GALNT13: variants seen among roughly 807,000 people sequenced by gnomAD.
GALNT13 encodes the protein polypeptide N-acetylgalactosaminyltransferase 13.
Under a neutral mutation model 64.2 loss-of-function variants are expected in GALNT13, and 28 were observed. The ratio of observed to expected loss-of-function variants is 0.44; its 90% confidence interval spans 0.32 to 0.60. GALNT13 has a LOEUF of 0.60. GALNT13 is among the 20% of genes least tolerant of loss of function. GALNT13 has a pLI of 0.05. For synonymous variants in GALNT13, 214 were observed against 224.6 expected, an observed-to-expected ratio of 0.95 and a Z score of 0.42; for missense variants, 577 against 669.8, an observed-to-expected ratio of 0.86 and a Z score of 1.53.
the GALNT13 span, among the ~76,000 whole-genome samples, chr2:153,433,974 C>A: frequency 6.6e-6 from 1 of 152,066 alleles, no homozygotes; most frequent in African/African-American, 2.4e-5. Context: ...TGCTATCCCT[C>A]CCTGCTCCCC....
the GALNT13 span, among the ~76,000 whole-genome samples, chr2:153,099,916 A>C: frequency 3.3e-5 from 5 of 152,206 alleles, no homozygotes; most frequent in Non-Finnish European, 7.3e-5. Context: ...TATTGAAAGG[A>C]GTACAGAAGG....
At chr2:153,449,400 G>T in the GALNT13 span, among the ~76,000 whole-genome samples, 1 of 152,036 alleles carries the variant, frequency 6.6e-6, no homozygotes, top group Non-Finnish European at 1.5e-5. Context: ...GTCCCTCAAA[G>T]AAGACATGCA....
At chr2:153,126,331 TATATATA>T in the GALNT13 span, among the ~76,000 whole-genome samples, 11 of 56,862 alleles carry the variant, frequency 1.9e-4, no homozygotes, top group African/African-American at 5.9e-4. Flanking sequence ...TATATATATA[TATATATA>T]TATATATATG....
At chr2:153,700,943 A>G in the GALNT13 span, among the ~76,000 whole-genome samples, 2 of 152,192 alleles carry the variant, frequency 1.3e-5, no homozygotes, top group Non-Finnish European at 2.9e-5. Context: ...ATTCAATGCT[A>G]TTCTCATCAA....
intron 2 of GALNT13, among the ~76,000 whole-genome samples, chr2:153,918,662 G>A (rs941785886): frequency 6.6e-6 from 1 of 152,060 alleles, no homozygotes; most frequent in African/African-American, 2.4e-5. Context: ...GGATCCTACA[G>A]CTATCTGTGC....
At chr2:153,930,447 G>A (rs187066005) in intron 2 of GALNT13, among the ~76,000 whole-genome samples, 8 of 152,278 alleles carry the variant, frequency 5.3e-5, no homozygotes, top group South Asian at 4.1e-4. Flanking sequence ...ATCTCCTAGA[G>A]TTTTTATGGT....
At chr2:153,084,840 A>G in the GALNT13 span, among the ~76,000 whole-genome samples, 8 of 152,198 alleles carry the variant, frequency 5.3e-5, no homozygotes, top group African/African-American at 1.9e-4. Context: ...TAAATTGGTA[A>G]CAGGTAGTGG....
intron 10 of GALNT13, among the ~76,000 whole-genome samples, chr2:154,404,929 C>T (rs772832804): frequency 6.7e-6 from 1 of 149,700 alleles, no homozygotes; most frequent in Non-Finnish European, 1.5e-5. Flanking sequence ...CCTTAAAAGA[C>T]TAGGAAAATT....
intron 8 of GALNT13, among the ~76,000 whole-genome samples, chr2:154,300,212 C>G (rs1019190543): frequency 6.7e-6 from 1 of 149,036 alleles, no homozygotes; most frequent in African/African-American, 2.5e-5. Flanking sequence ...AAGCGATTCT[C>G]TTGCCTCAGC....
At chr2:153,916,478 C>T (rs1280009606) in intron 2 of GALNT13, among the ~76,000 whole-genome samples, 2 of 151,342 alleles carry the variant, frequency 1.3e-5, no homozygotes, top group Non-Finnish European at 2.9e-5. Context: ...ATTTTTGAGG[C>T]AGGATGGAGT....
the GALNT13 span, among the ~76,000 whole-genome samples, chr2:153,409,347 C>A: frequency 2.1e-5 from 3 of 141,868 alleles, no homozygotes; most frequent in Non-Finnish European, 4.6e-5. Flanking sequence ...TGTATATATT[C>A]ATATGTATAT....
chr2:153,872,929 C>G (rs1040074096), intron 1 of GALNT13, among the ~76,000 whole-genome samples: 3 of 152,190 alleles, frequency 2.0e-5, no homozygotes, highest in African/African-American at 7.2e-5. Context: ...TCCACACTCT[C>G]CGGCCATGTA....
the GALNT13 span, among the ~76,000 whole-genome samples, chr2:153,222,665 C>T: frequency 6.6e-6 from 1 of 152,170 alleles, no homozygotes; most frequent in African/African-American, 2.4e-5. Flanking sequence ...TGGCCTCCCT[C>T]CCGAGATTGT....
chr2:153,788,460 C>A, the GALNT13 span, among the ~76,000 whole-genome samples: 1 of 151,768 alleles, frequency 6.6e-6, no homozygotes, highest in Non-Finnish European at 1.5e-5. Flanking sequence ...ATTACTAAAT[C>A]TTGAAAGTAA....
chr2:153,722,398 C>T, the GALNT13 span, among the ~76,000 whole-genome samples: 1 of 138,626 alleles, frequency 7.2e-6, no homozygotes, highest in Non-Finnish European at 1.5e-5. Flanking sequence ...ATTAAAAGAA[C>T]TAGAAAAGCA....
chr2:154,150,873 A>G (rs1415743598), intron 4 of GALNT13, among the ~76,000 whole-genome samples: 1 of 152,112 alleles, frequency 6.6e-6, no homozygotes, highest in Admixed American at 6.6e-5. Flanking sequence ...ATCCTTTCAA[A>G]AAACCAGCTC....
the GALNT13 span, among the ~76,000 whole-genome samples, chr2:153,313,844 T>C: frequency 6.6e-6 from 1 of 152,218 alleles, no homozygotes; most frequent in Non-Finnish European, 1.5e-5. Context: ...TTGAAAGATA[T>C]AAACTTAGAG....
At chr2:153,478,208 A>G in the GALNT13 span, 3 of 1,578,528 alleles carry the variant, frequency 1.9e-6, no homozygotes, top group East Asian at 6.8e-5. Flanking sequence ...CAGGCGTGGG[A>G]GCGGTTGCCG....
chr2:153,581,071 T>C, the GALNT13 span, among the ~76,000 whole-genome samples: 1 of 152,172 alleles, frequency 6.6e-6, no homozygotes, highest in Admixed American at 6.5e-5. Context: ...TATGTAATTG[T>C]AGGTCTCTGT....
Sources: gnomAD v4.1 joint callset for allele counts (sites outside exome capture counted in the v4.1 genomes callset) on GRCh38, gnomAD v4.1.1 for gene constraint, MANE v1.5 for transcripts, NCBI Gene and HGNC (gene_info 2026-07-23, HGNC 2026-07-21) for gene names.